CTNNA3: variants seen among roughly 807,000 people sequenced by gnomAD.
CTNNA3 encodes the protein catenin alpha-3.
In CTNNA3, 76 loss-of-function variants were observed where a neutral mutation model predicts 95.7. That is an observed-to-expected ratio of 0.79 (90% CI 0.66 to 0.96). The LOEUF is 0.96. Among genes scored for constraint, CTNNA3 ranks in the 40% least tolerant of loss-of-function variants. The pLI is 0.00. For missense variants in CTNNA3, 1,191 were observed against 1,089.8 expected (o/e 1.09, Z -1.31); for synonymous variants, 431 against 374.4 (o/e 1.15, Z -1.74).
At chr10:66,760,489 C>A (rs529113469) in intron 9 of CTNNA3, among the ~76,000 whole-genome samples, 11 of 151,992 alleles carry the variant, frequency 7.2e-5, no homozygotes, top group Non-Finnish European at 1.5e-4. Context: ...CCAATGCCTG[C>A]CTAGTTTTCA....
At chr10:67,236,868 C>T (rs1047765039) in intron 5 of CTNNA3, among the ~76,000 whole-genome samples, 1 of 151,086 alleles carries the variant, frequency 6.6e-6, no homozygotes, top group Non-Finnish European at 1.5e-5. Context: ...GGGAACATTT[C>T]TACACTGCTG....
chr10:66,184,164 G>C (rs926793669), intron 13 of CTNNA3, among the ~76,000 whole-genome samples: 10 of 151,896 alleles, frequency 6.6e-5, no homozygotes, highest in African/African-American at 2.4e-4. Flanking sequence ...CTGGGCGCGG[G>C]GGTGGGCGCC....
intron 1 of CTNNA3, among the ~76,000 whole-genome samples, chr10:67,704,684 A>G (rs1841066604): frequency 6.6e-6 from 1 of 152,024 alleles, no homozygotes; most frequent in Non-Finnish European, 1.5e-5. Flanking sequence ...CTAGAAGAAA[A>G]CCTAGGCATT....
rs563841560 is a variant in CTNNA3 at position 66,743,405 on chromosome 10, T to G, written c.1281+22859A>C. On this transcript the variant is annotated intron_variant, in intron 9 of 17. Coordinates refer to ENST00000433211, the MANE Select transcript of CTNNA3 (RefSeq NM_013266.4). ...TTTTTACCTAGATATAGACATTTAC[T>G]TATATGTAAATTAACCCTTAATATG... 1.1e-3 allele frequency among the ~76,000 whole-genome samples: 160 copies of G among 152,300 alleles called. 1 individual carries two copies. The highest frequency in any genetic ancestry group is 7.5e-4 in the Non-Finnish European group (51 of 68,014).
intron 10 of CTNNA3, among the ~76,000 whole-genome samples, chr10:66,546,450 G>C (rs1054546014): frequency 1.3e-5 from 2 of 151,954 alleles, no homozygotes; most frequent in Admixed American, 1.3e-4. Context: ...GTACAACATG[G>C]TTGGATCAGT....
intron 9 of CTNNA3, among the ~76,000 whole-genome samples, chr10:66,701,209 T>C (rs965603109): frequency 6.6e-6 from 1 of 152,114 alleles, no homozygotes; most frequent in Admixed American, 6.5e-5. Flanking sequence ...TAGTCATTTC[T>C]ATTGATCTAT....
chr10:66,995,825 A>C (rs976841966), intron 7 of CTNNA3, among the ~76,000 whole-genome samples: 3 of 152,174 alleles, frequency 2.0e-5, no homozygotes, highest in Admixed American at 6.5e-5. Context: ...CTGCCTCTAC[A>C]AACCTTCCTG....
At chr10:67,430,125 C>T (rs1271934080) in intron 5 of CTNNA3, among the ~76,000 whole-genome samples, 1 of 151,930 alleles carries the variant, frequency 6.6e-6, no homozygotes, top group East Asian at 1.9e-4. Flanking sequence ...TGCTACTTGG[C>T]TCCCACCTCT....
intron 9 of CTNNA3, among the ~76,000 whole-genome samples, chr10:66,724,209 T>A (rs1049491847): frequency 2.6e-5 from 4 of 152,170 alleles, no homozygotes; most frequent in African/African-American, 9.6e-5. Flanking sequence ...AGAAATTTAG[T>A]TAGCTCATTA....
chr10:67,649,331 A>C (rs1340370404), intron 1 of CTNNA3, among the ~76,000 whole-genome samples: 1 of 152,236 alleles, frequency 6.6e-6, no homozygotes, highest in Non-Finnish European at 1.5e-5. Context: ...AAAGTAAGGA[A>C]GATAAAAAAT....
intron 10 of CTNNA3, among the ~76,000 whole-genome samples, chr10:66,539,086 T>C (rs2660010): frequency 0.65 from 99,169 of 152,022 alleles, 35,072 homozygotes; most frequent in Non-Finnish European, 0.8. Context: ...AACCTTGTTG[T>C]TCAAAGTGTC....
intron 12 of CTNNA3, among the ~76,000 whole-genome samples, chr10:66,343,179 A>G (rs1193227291): frequency 2.0e-5 from 3 of 152,066 alleles, no homozygotes; most frequent in Non-Finnish European, 4.4e-5. Flanking sequence ...TTCCTCAAAA[A>G]GCTACAAATA....
chr10:67,526,349 A>AT (rs34051034), intron 4 of CTNNA3, among the ~76,000 whole-genome samples: 37,901 of 135,612 alleles, frequency 0.28, 5,962 homozygotes, highest in East Asian at 0.77. Context: ...ATCTCAAATG[A>AT]TTTTTTTTTT....
At chr10:67,739,977 A>G (rs1385587667) in intron 1 of CTNNA3, among the ~76,000 whole-genome samples, 1 of 152,196 alleles carries the variant, frequency 6.6e-6, no homozygotes, top group East Asian at 1.9e-4. Context: ...TCAATGGAAC[A>G]GAACAGAGCC....
intron 10 of CTNNA3, among the ~76,000 whole-genome samples, chr10:66,585,429 G>C (rs1448847147): frequency 2.0e-5 from 3 of 151,374 alleles, no homozygotes. Flanking sequence ...GGGTTAATTT[G>C]AAAGCCTTGT....
chr10:67,145,011 T>C (rs1043719409), intron 7 of CTNNA3, among the ~76,000 whole-genome samples: 2 of 152,132 alleles, frequency 1.3e-5, no homozygotes, highest in African/African-American at 4.8e-5. Flanking sequence ...GGGTTATTAC[T>C]TGGCCTAATT....
At chr10:66,823,276 A>G (rs1160651130) in intron 7 of CTNNA3, among the ~76,000 whole-genome samples, 1 of 152,236 alleles carries the variant, frequency 6.6e-6, no homozygotes, top group Non-Finnish European at 1.5e-5. Context: ...AAAACCTGAA[A>G]TTCTTTAAAA....
chr10:66,769,541 G>A (rs900856787), intron 8 of CTNNA3, among the ~76,000 whole-genome samples: 8 of 152,112 alleles, frequency 5.3e-5, no homozygotes, highest in African/African-American at 9.7e-5. Flanking sequence ...GCTTTTGCTG[G>A]GGGGAACAGT....
intron 13 of CTNNA3, among the ~76,000 whole-genome samples, chr10:66,240,798 T>C (rs868120706): frequency 6.6e-6 from 1 of 152,024 alleles, no homozygotes; most frequent in Non-Finnish European, 1.5e-5. Context: ...TATTGAATGA[T>C]GTAAACAAAG....
Sources: gnomAD v4.1 joint callset for allele counts (sites outside exome capture counted in the v4.1 genomes callset) on GRCh38, gnomAD v4.1.1 for gene constraint, MANE v1.5 for transcripts, NCBI Gene and HGNC (gene_info 2026-07-23, HGNC 2026-07-21) for gene names.